Variants in ACKR2 observed in about 807,000 individuals in gnomAD.
ACKR2 encodes the protein C-C chemokine receptor D6.
For synonymous variants in ACKR2, 207 were observed against 192.2 expected (o/e 1.08, Z -0.64); for missense variants, 457 against 477.3 (o/e 0.96, Z 0.40).
At chr3:42,862,074 GTC>G (rs1214627355) in intron 2 of ACKR2, among the ~76,000 whole-genome samples, 1 of 152,170 alleles carries the variant, frequency 6.6e-6, no homozygotes, top group African/African-American at 2.4e-5. Flanking sequence ...AAGTCAAATT[GTC>G]TCTGTTTGCA....
intron 2 of ACKR2, among the ~76,000 whole-genome samples, chr3:42,856,965 G>A (rs1313434397): frequency 7.2e-6 from 1 of 138,654 alleles, no homozygotes; most frequent in Non-Finnish European, 1.6e-5. Context: ...TTTATGTGAA[G>A]CTCTCATCAA....
chr3:42,851,483 G>A, intron 2 of ACKR2: 1 of 971,658 alleles, frequency 1.0e-6, no homozygotes, highest in Non-Finnish European at 1.2e-6. Context: ...CGGGGTGTGG[G>A]GTGGGGGTGA....
rs2088436541 is a variant in ACKR2 at position 42,866,402 on chromosome 3, C to T, written c.*745C>T. ...GCGTTGGCCAGGATGATCTCGATCT[C>T]TTGACCTTGGGATCCACCCGCCTTG... On this transcript the variant is annotated 3_prime_UTR_variant, in exon 3 of 3. Coordinates refer to ENST00000422265, the MANE Select transcript of ACKR2 (RefSeq NM_001296.5). 1 of 155,236 alleles carries T rather than the reference C, an allele frequency of 6.4e-6. No individual in the cohort carries two copies. The highest frequency in any genetic ancestry group is 2.4e-5 in the African/African-American group (1 of 41,334). The allele number at this position is 155,236 out of a possible 1,614,324, so 9.6% of individuals were successfully genotyped here. A position where few individuals can be genotyped will look rare whatever the true frequency, so the allele number is the denominator to read the frequency against.
At chr3:42,842,816 C>G (rs1038922807) in intron 2 of ACKR2, among the ~76,000 whole-genome samples, 4 of 151,856 alleles carry the variant, frequency 2.6e-5, no homozygotes, top group Non-Finnish European at 5.9e-5. Context: ...GACTCCATCT[C>G]TACTAAAAAT....
chr3:42,843,126 G>A (rs1701057893), intron 2 of ACKR2, among the ~76,000 whole-genome samples: 1 of 151,422 alleles, frequency 6.6e-6, no homozygotes, highest in East Asian at 2.0e-4. Context: ...CCAGGCTGGA[G>A]TGCAGTGGCA....
intron 2 of ACKR2, among the ~76,000 whole-genome samples, chr3:42,825,177 T>G (rs1220071350): frequency 6.6e-6 from 1 of 152,206 alleles, no homozygotes; most frequent in Non-Finnish European, 1.5e-5. Flanking sequence ...AAAGTTGTTT[T>G]GGCTATTCTG....
chr3:42,850,991 T>G (rs778416207), intron 2 of ACKR2: 1 of 152,514 alleles, frequency 6.6e-6, no homozygotes, highest in Non-Finnish European at 1.5e-5. Flanking sequence ...AGAATGGGAC[T>G]GAGATCTTGC....
chr3:42,840,923 C>T (rs1257208749), intron 2 of ACKR2, among the ~76,000 whole-genome samples: 3 of 152,192 alleles, frequency 2.0e-5, no homozygotes, highest in South Asian at 2.1e-4. Flanking sequence ...CTCCTGACCT[C>T]AGGCAATCCG....
intron 1 of ACKR2, among the ~76,000 whole-genome samples, chr3:42,814,460 C>T (rs1444777763): frequency 2.6e-5 from 4 of 152,180 alleles, no homozygotes; most frequent in South Asian, 2.1e-4. Context: ...TACACATGAT[C>T]GTATCTTCCA....
At chr3:42,812,809 C>G (rs1426823598) in intron 1 of ACKR2, among the ~76,000 whole-genome samples, 1 of 149,758 alleles carries the variant, frequency 6.7e-6, no homozygotes, top group Non-Finnish European at 1.5e-5. Flanking sequence ...GCCTCAGCCT[C>G]CTGAGTAGCT....
At chr3:42,828,074 T>TTATATA (rs199846772) in intron 2 of ACKR2, among the ~76,000 whole-genome samples, 1,520 of 122,404 alleles carry the variant, frequency 0.012, 19 homozygotes, top group Middle Eastern at 0.04. Context: ...GATGCTTGCA[T>TTATATA]TATATATATA....
chr3:42,855,173 T>C (rs1040148966), intron 2 of ACKR2, among the ~76,000 whole-genome samples: 2 of 152,136 alleles, frequency 1.3e-5, no homozygotes, highest in African/African-American at 4.8e-5. Flanking sequence ...CACACCTTTC[T>C]CAGTGACTCC....
chr3:42,818,803 C>A (rs1337305390), intron 1 of ACKR2, among the ~76,000 whole-genome samples: 1 of 152,220 alleles, frequency 6.6e-6, no homozygotes, highest in Non-Finnish European at 1.5e-5. Flanking sequence ...CTCAGGTGAT[C>A]TGCCCGGCTC....
At chr3:42,859,668 G>A (rs557843849) in intron 2 of ACKR2, among the ~76,000 whole-genome samples, 11 of 152,124 alleles carry the variant, frequency 7.2e-5, no homozygotes, top group East Asian at 1.9e-4. Flanking sequence ...GACGTGAGCC[G>A]CCGCGCCTGG....
chr3:42,863,887 A>G (rs2088406847), intron 2 of ACKR2, among the ~76,000 whole-genome samples: 2 of 152,208 alleles, frequency 1.3e-5, no homozygotes, highest in Admixed American at 6.5e-5. Flanking sequence ...GAGGGATAAC[A>G]TTAGAAGAAA....
chr3:42,821,120 G>A (rs909360942), intron 2 of ACKR2, among the ~76,000 whole-genome samples: 1 of 152,098 alleles, frequency 6.6e-6, no homozygotes, highest in African/African-American at 2.4e-5. Context: ...GCCTGACCTC[G>A]TGATCCACCC....
intron 1 of ACKR2, among the ~76,000 whole-genome samples, chr3:42,811,706 AATGTC>A (rs1485747495): frequency 7.2e-5 from 11 of 152,216 alleles, no homozygotes; most frequent in Admixed American, 7.2e-4. Context: ...CTGGGAATGG[AATGTC>A]TCGGTGTAAA....
At chr3:42,827,848 C>T (rs1054692407) in intron 2 of ACKR2, among the ~76,000 whole-genome samples, 1 of 152,048 alleles carries the variant, frequency 6.6e-6, no homozygotes, top group East Asian at 1.9e-4. Context: ...ACACTCTCAC[C>T]CACAGGGAGA....
chr3:42,848,118 A>G (rs1386039740), intron 2 of ACKR2, among the ~76,000 whole-genome samples: 2 of 151,958 alleles, frequency 1.3e-5, no homozygotes, highest in African/African-American at 4.8e-5. Context: ...GAACAGCAAG[A>G]TAAATAATGA....
Sources: allele counts gnomAD v4.1 joint callset (sites outside exome capture counted in the v4.1 genomes callset), GRCh38; gene constraint gnomAD v4.1.1; transcripts MANE v1.5; gene names NCBI Gene and HGNC (gene_info 2026-07-23, HGNC 2026-07-21).